Variants in FBXO11 observed in about 807,000 individuals in gnomAD.
The protein encoded by FBXO11 is F-box protein 11, also known as F-box only protein 11.
A neutral mutation model predicts 117.0 loss-of-function variants in FBXO11; 13 were observed. The observed-to-expected ratio is 0.11, with a 90% confidence interval of 0.07 to 0.18. The LOEUF (loss-of-function observed/expected upper bound fraction) is 0.18. Among genes scored for constraint, FBXO11 ranks in the 10% least tolerant of loss-of-function variants. The probability of loss-of-function intolerance (pLI) is 1.00; values close to 1 mark genes in which losing one functional copy is unlikely to be tolerated. For synonymous variants in FBXO11, 490 were observed against 380.5 expected, an observed-to-expected ratio of 1.29 and a Z score of -3.35; for missense variants, 767 against 1,164.4, an observed-to-expected ratio of 0.66 and a Z score of 4.97.
At chr2:47,900,565 T>C (rs115214050) in intron 1 of FBXO11, among the ~76,000 whole-genome samples, 2,320 of 130,910 alleles carry the variant, frequency 0.018, 125 homozygotes, top group Non-Finnish European at 0.028. Flanking sequence ...CACGTATATA[T>C]ACACACGTAT....
intron 1 of FBXO11, among the ~76,000 whole-genome samples, chr2:47,856,934 C>G (rs532444720): frequency 4.6e-5 from 7 of 152,256 alleles, no homozygotes; most frequent in African/African-American, 1.7e-4. Flanking sequence ...TGATTTAAAG[C>G]TATACTGGGA....
intron 1 of FBXO11, among the ~76,000 whole-genome samples, chr2:47,866,918 C>G (rs1675243821): frequency 6.6e-6 from 1 of 152,164 alleles, no homozygotes; most frequent in Admixed American, 6.5e-5. Context: ...GAACACTGTT[C>G]TGACTCTGCA....
At chr2:47,899,082 G>A (rs1677898047) in intron 1 of FBXO11, among the ~76,000 whole-genome samples, 1 of 152,026 alleles carries the variant, frequency 6.6e-6, no homozygotes, top group African/African-American at 2.4e-5. Flanking sequence ...AGACCATCCT[G>A]GCTAACATGG....
chr2:47,848,408 T>C (rs1261416064), intron 1 of FBXO11, among the ~76,000 whole-genome samples: 7 of 152,184 alleles, frequency 4.6e-5, no homozygotes, highest in South Asian at 2.1e-4. Context: ...TCTAATTATG[T>C]GGTGCATGTC....
chr2:47,875,908 G>A (rs1215713195), intron 1 of FBXO11, among the ~76,000 whole-genome samples: 3 of 152,020 alleles, frequency 2.0e-5, no homozygotes, highest in African/African-American at 7.2e-5. Context: ...GGTTACTCAG[G>A]TTAAAAAAGA....
chr2:47,821,642 G>A (rs1384909826), intron 13 of FBXO11, among the ~76,000 whole-genome samples: 4 of 151,180 alleles, frequency 2.6e-5, no homozygotes, highest in South Asian at 2.1e-4. Flanking sequence ...AAATTGAGCC[G>A]GGCATGGTAG....
At chr2:47,882,713 G>A (rs948013651) in intron 1 of FBXO11, among the ~76,000 whole-genome samples, 1 of 152,236 alleles carries the variant, frequency 6.6e-6, no homozygotes, top group East Asian at 1.9e-4. Context: ...GTGCAGTGGG[G>A]CAATTTTGGC....
At chr2:47,900,590 G>GTGTA (rs1678047821) in intron 1 of FBXO11, among the ~76,000 whole-genome samples, 1 of 108,062 alleles carries the variant, frequency 9.3e-6, no homozygotes, top group African/African-American at 3.4e-5. Context: ...ACATATATAC[G>GTGTA]TATATACACA....
chr2:47,871,324 T>C (rs1440696252), intron 1 of FBXO11, among the ~76,000 whole-genome samples: 1 of 152,174 alleles, frequency 6.6e-6, no homozygotes, highest in East Asian at 1.9e-4. Flanking sequence ...TGAAGCCTCT[T>C]GCCAACAGCT....
At chr2:47,817,128 GA>G (rs1671061053) in intron 16 of FBXO11, among the ~76,000 whole-genome samples, 1 of 152,310 alleles carries the variant, frequency 6.6e-6, no homozygotes, top group African/African-American at 2.4e-5. Flanking sequence ...TATCTTCTGG[GA>G]TAACTTTCTG....
chr2:47,822,438 T>C, intron 12 of FBXO11, 135 bp from the exon 13 acceptor site: 2 of 591,998 alleles, frequency 3.4e-6, no homozygotes, highest in Admixed American at 3.6e-5. Flanking sequence ...TCATTATTTC[T>C]AAGGCCTAAG....
intron 1 of FBXO11, among the ~76,000 whole-genome samples, chr2:47,866,598 C>T (rs773282132): frequency 5.3e-5 from 8 of 151,904 alleles, no homozygotes; most frequent in African/African-American, 1.2e-4. Context: ...CTCAGCCTCC[C>T]GAGTAGCTAG....
chr2:47,837,343 A>G (rs1672661822), intron 4 of FBXO11, among the ~76,000 whole-genome samples: 2 of 152,320 alleles, frequency 1.3e-5, no homozygotes, highest in South Asian at 4.1e-4. Context: ...CCTAGCCAAC[A>G]TGGTGAAACC....
At position 47,834,530 on chromosome 2, in the gene FBXO11, A is replaced by G. The variant is rs779352688; in HGVS notation, c.934+49T>C. The G allele has an allele frequency of 7.7e-5, 109 of 1,421,808 alleles. 4 individuals carry two copies. The Admixed American group carries it at 2.6e-3, about 34-fold the overall frequency. 88.1% of individuals were successfully genotyped at this position (1,421,808 alleles called of 1,614,324 possible). On this transcript the variant is annotated intron_variant, in intron 7 of 22. Coordinates refer to ENST00000403359, the MANE Select transcript of FBXO11 (RefSeq NM_001190274.2). ...ACTAGCATTTTTAAAATCCTATCAC[A>G]TAAATGAGTAAAATATTAAAATTTT... is the stretch of plus-strand genomic sequence containing the variant.
At chr2:47,851,832 G>A (rs779743084) in intron 1 of FBXO11, among the ~76,000 whole-genome samples, 2 of 152,132 alleles carry the variant, frequency 1.3e-5, no homozygotes, top group African/African-American at 2.4e-5. Flanking sequence ...AAAGCAAAAT[G>A]AAAATATGGC....
chr2:47,820,443 T>C lies in FBXO11; in HGVS notation c.1716A>G (p.Ala572=), dbSNP rs1671298903. The change falls in exon 14 of 23, where the codon GCA becomes GCG. Residue 572 remains alanine (A), a synonymous_variant. Coordinates refer to ENST00000403359, the MANE Select transcript of FBXO11 (RefSeq NM_001190274.2). The stretch of plus-strand genomic sequence containing the variant: ...AACTGTTTGTCCTAATTTGAATTCC[T>C]GCTAATGCATTGCCTATTTAAAAAT... ...EGNDIYGNAL[A]GIQIRTNSCP... The C allele has an allele frequency of 6.2e-7, 1 of 1,612,912 alleles. No individual in the cohort carries two copies. Among genetic ancestry groups the C allele is most frequent in the African/African-American group, 1.3e-5 (1 of 74,932 alleles).
At chr2:47,828,455 A>G (rs544221256) in intron 11 of FBXO11, among the ~76,000 whole-genome samples, 9 of 152,216 alleles carry the variant, frequency 5.9e-5, no homozygotes, top group Admixed American at 3.9e-4. Flanking sequence ...TAAAAACACA[A>G]AAGTTAGCTG....
At chr2:47,822,740 G>C (rs1320988568) in intron 12 of FBXO11, among the ~76,000 whole-genome samples, 1 of 152,130 alleles carries the variant, frequency 6.6e-6, no homozygotes, top group African/African-American at 2.4e-5. Flanking sequence ...GATAATTTTA[G>C]TCTTTCTGGC....
intron 1 of FBXO11, among the ~76,000 whole-genome samples, chr2:47,841,736 G>A (rs1296513833): frequency 6.6e-6 from 1 of 152,036 alleles, no homozygotes; most frequent in Admixed American, 6.6e-5. Flanking sequence ...CACCTCCTGG[G>A]TTCACGCCAT....
Sources: allele counts gnomAD v4.1 joint callset (sites outside exome capture counted in the v4.1 genomes callset), GRCh38; gene constraint gnomAD v4.1.1; transcripts MANE v1.5; gene names NCBI Gene and HGNC (gene_info 2026-07-23, HGNC 2026-07-21).